Variants in TARS3 observed in about 807,000 individuals in gnomAD.
TARS3 encodes threonine--tRNA ligase 2, cytoplasmic.
Under a neutral mutation model 103.5 loss-of-function variants are expected in TARS3, and 94 were observed. The ratio of observed to expected loss-of-function variants is 0.91; its 90% CI spans 0.77 to 1.08. The LOEUF is 1.08. Among genes scored for constraint, TARS3 ranks in the 50% least tolerant of loss-of-function variants. The probability of loss-of-function intolerance (pLI) is 0.00; values close to 1 mark genes in which losing one functional copy is unlikely to be tolerated. For synonymous variants in TARS3, 416 were observed against 355.4 expected, an observed-to-expected ratio of 1.17 and a Z score of -1.92; for missense variants, 952 against 995.2, an observed-to-expected ratio of 0.96 and a Z score of 0.58.
intron 13 of TARS3, among the ~76,000 whole-genome samples, chr15:101,673,649 C>T (rs1897907618): frequency 6.6e-6 from 1 of 152,202 alleles, no homozygotes; most frequent in Non-Finnish European, 1.5e-5. Flanking sequence ...CTCATTTCCT[C>T]TTCCTGCTTC....
chr15:101,661,085 G>C (rs1897356570), intron 16 of TARS3, among the ~76,000 whole-genome samples: 1 of 37,342 alleles, frequency 2.7e-5, no homozygotes, highest in Admixed American at 2.0e-4. Context: ...CTTCCTTCCG[G>C]GCAAAAAGGA....
chr15:101,718,957 G>A (rs973446846), intron 3 of TARS3, among the ~76,000 whole-genome samples: 4 of 152,202 alleles, frequency 2.6e-5, no homozygotes, highest in Non-Finnish European at 5.9e-5. Context: ...CTGAGCTGTG[G>A]AAACTGCACA....
chr15:101,704,915 C>T (rs2141434580), intron 7 of TARS3, among the ~76,000 whole-genome samples: 1 of 152,134 alleles, frequency 6.6e-6, no homozygotes, highest in South Asian at 2.1e-4. Flanking sequence ...ATTTTACTTA[C>T]AGTACAATTA....
intron 12 of TARS3, among the ~76,000 whole-genome samples, chr15:101,679,917 C>T (rs1443629889): frequency 6.6e-6 from 1 of 152,158 alleles, no homozygotes; most frequent in Non-Finnish European, 1.5e-5. Context: ...CCCTCCATGG[C>T]CTTTACTGCA....
Position 101,702,400 on chromosome 15 carries a change from G to C in TARS3, c.1075-15C>G, listed in dbSNP as rs201309807. 2.5e-6 allele frequency: 4 copies of C among 1,609,690 alleles called. No individual in the cohort carries two copies. Among genetic ancestry groups the C allele is most frequent in the Middle Eastern group, 1.7e-4 (1 of 6,056 alleles). On this transcript the variant is annotated splice_polypyrimidine_tract_variant and intron_variant, in intron 8 of 18. Coordinates refer to ENST00000335968, the MANE Select transcript of TARS3 (RefSeq NM_152334.3). ...GTTGAGGAATTCTAAATATCAAAGA[G>C]GATTTTGGTAAATATATCATACATT...
At chr15:101,665,451 T>C (rs1260767226) in intron 15 of TARS3, among the ~76,000 whole-genome samples, 2 of 152,360 alleles carry the variant, frequency 1.3e-5, no homozygotes, top group East Asian at 3.9e-4. Context: ...TCAAAATATT[T>C]CAGCCTACAG....
intron 12 of TARS3, among the ~76,000 whole-genome samples, chr15:101,677,731 C>T (rs961551446): frequency 2.6e-5 from 4 of 152,070 alleles, no homozygotes; most frequent in African/African-American, 9.7e-5. Flanking sequence ...CTCCCAACCT[C>T]AGGTGATCCA....
intron 5 of TARS3, among the ~76,000 whole-genome samples, chr15:101,710,582 T>C (rs62027624): frequency 0.025 from 3,863 of 152,294 alleles, 77 homozygotes; most frequent in South Asian, 0.041. Flanking sequence ...GCACTGGCCA[T>C]TGATTTGGGA....
At chr15:101,658,729 T>C (rs973374564) in intron 16 of TARS3, among the ~76,000 whole-genome samples, 1 of 152,214 alleles carries the variant, frequency 6.6e-6, no homozygotes, top group African/African-American at 2.4e-5. Context: ...TGATATTGTA[T>C]CTAGTTTTGC....
rs1453423376 is a variant in TARS3, at chr15:101,662,955, AATTAT to A, written c.1968-1144_1968-1140del. On this transcript the variant is annotated intron_variant, in intron 15 of 18. Transcript: ENST00000335968. ...AAATAACCCCAGTGGATTTGCTTACAATTATATTAGATTAATAGATAAATTTGAAG... is the reference window on the plus strand; with the variant it reads ...AAATAACCCCAGTGGATTTGCTTACAATTAGATTAATAGATAAATTTGAAG... Among the ~76,000 whole-genome samples, 30 of 152,236 alleles carry A rather than the reference AATTAT, an allele frequency of 2.0e-4. 1 individual carries two copies. Among genetic ancestry groups the A allele is most frequent in the Non-Finnish European group, 3.8e-4 (26 of 68,046 alleles).
intron 6 of TARS3, among the ~76,000 whole-genome samples, chr15:101,706,054 C>G (rs1013835287): frequency 1.3e-5 from 2 of 152,190 alleles, no homozygotes; most frequent in Non-Finnish European, 2.9e-5. Context: ...ACGTCCGTCT[C>G]CCTGGTTCAA....
At position 101,681,195 on chromosome 15, in the gene TARS3, C is replaced by A. The variant is rs2087956; in HGVS notation, c.1650+2880G>T. Among the ~76,000 whole-genome samples the A allele has an allele frequency of 4.2e-3, 637 of 152,220 alleles. 1 individual carries two copies. The highest frequency in any genetic ancestry group is 0.014 in the African/African-American group (594 of 41,514). On this transcript the variant is annotated intron_variant, in intron 12 of 18. Transcript: ENST00000335968. ...TGTAGTTTCTCATAATTCTTGAAACCAAGCATAGTGACTCTTCCAAATTTG... is the reference window on the plus strand; with the variant it reads ...TGTAGTTTCTCATAATTCTTGAAACAAAGCATAGTGACTCTTCCAAATTTG...
chr15:101,705,834 G>A (rs1899531562), intron 6 of TARS3, 87 bp from the exon 7 acceptor site: 1 of 1,108,270 alleles, frequency 9.0e-7, no homozygotes, highest in Non-Finnish European at 1.3e-6. Context: ...AACATTGAAA[G>A]GTCATCTACT....
In TARS3 at chr15:101,685,844, G is replaced by A. The variant is rs549137891; in HGVS notation, c.1487+52C>T. On this transcript the variant is annotated intron_variant, in intron 11 of 18. Transcript: ENST00000335968. ...CAAAGCATTAAAAGATAATTGTGAC[G>A]AAGCGTGCTATGTGCTCTCATGAAA... 134 of 1,410,268 alleles carry A rather than the reference G, an allele frequency of 9.5e-5. 2 individuals are homozygous for A. In the South Asian group the frequency reaches 1.8e-3, roughly 18 times the overall value. The allele number at this position is 1,410,268 out of a possible 1,614,324, so 87.4% of individuals were successfully genotyped here. A position where few individuals can be genotyped will look rare whatever the true frequency, so the allele number is the denominator to read the frequency against.
chr15:101,693,271 G>A (rs1271933625), intron 10 of TARS3, among the ~76,000 whole-genome samples: 1 of 152,138 alleles, frequency 6.6e-6, no homozygotes, highest in African/African-American at 2.4e-5. Context: ...TGGTGGGGGG[G>A]CCTCACAATC....
intron 5 of TARS3, among the ~76,000 whole-genome samples, chr15:101,709,821 ATGTGATAC>A (rs938680975): frequency 1.3e-5 from 2 of 152,242 alleles, no homozygotes; most frequent in African/African-American, 4.8e-5. Context: ...GATGAACGGG[ATGTGATAC>A]TGTGATACAG....
At chr15:101,679,575 G>T (rs926318945) in intron 12 of TARS3, among the ~76,000 whole-genome samples, 1 of 152,102 alleles carries the variant, frequency 6.6e-6, no homozygotes, top group African/African-American at 2.4e-5. Context: ...TATGGTGGTT[G>T]CTTTAAAATC....
At chr15:101,711,456 C>T (rs1899863012) in intron 5 of TARS3, among the ~76,000 whole-genome samples, 2 of 152,148 alleles carry the variant, frequency 1.3e-5, no homozygotes, top group Admixed American at 6.5e-5. Context: ...CTCTGCCACC[C>T]GGAGACAGCA....
intron 10 of TARS3, among the ~76,000 whole-genome samples, chr15:101,686,558 A>G (rs1898484537): frequency 6.6e-6 from 1 of 152,194 alleles, no homozygotes; most frequent in Non-Finnish European, 1.5e-5. Flanking sequence ...CTCCCTACCT[A>G]TTAACAGCTT....
Sources: gnomAD v4.1 joint callset for allele counts (sites outside exome capture counted in the v4.1 genomes callset) on GRCh38, gnomAD v4.1.1 for gene constraint, MANE v1.5 for transcripts, NCBI Gene and HGNC (gene_info 2026-07-23, HGNC 2026-07-21) for gene names.